The following PDE8B variants were observed in gnomAD, a reference collection of about 807,000 sequenced individuals.
The protein encoded by PDE8B is high affinity cAMP-specific and IBMX-insensitive 3',5'-cyclic phosphodiesterase 8B.
In PDE8B, 26 loss-of-function variants were observed where a neutral mutation model predicts 101.3. The ratio of observed to expected loss-of-function variants is 0.26; its 90% CI spans 0.19 to 0.36. PDE8B has a LOEUF of 0.36. Ranked by LOEUF, PDE8B falls within the 10% of genes least tolerant of loss-of-function variation. The pLI is 1.00. For missense variants in PDE8B, 810 were observed against 1,163.1 expected (o/e 0.70, Z 4.42); for synonymous variants, 424 against 429.3 (o/e 0.99, Z 0.15).
intron 1 of PDE8B, among the ~76,000 whole-genome samples, chr5:77,235,176 A>G (rs930387168): frequency 5.3e-5 from 8 of 151,878 alleles, no homozygotes; most frequent in African/African-American, 1.9e-4. Flanking sequence ...GCCCTACCCT[A>G]CCTTCCTTCT....
At chr5:77,147,182 G>GT in the PDE8B span, 58 of 325,322 alleles carry the variant, frequency 1.8e-4, no homozygotes, top group South Asian at 3.2e-4. Context: ...TTCTAGCACA[G>GT]TTTTTTTTCT....
At chr5:77,209,281 T>C (rs1339525144), upstream of PDE8B, among the ~76,000 whole-genome samples, 1 of 152,162 alleles carries the variant, frequency 6.6e-6, no homozygotes, top group Non-Finnish European at 1.5e-5. Flanking sequence ...GATATCTTGC[T>C]TCTCTATGAA....
the PDE8B span, among the ~76,000 whole-genome samples, chr5:77,120,666 A>G: frequency 6.6e-6 from 1 of 152,228 alleles, no homozygotes; most frequent in Non-Finnish European, 1.5e-5. Context: ...ACTTCTCTGT[A>G]TGCTTGAACA....
the PDE8B span, among the ~76,000 whole-genome samples, chr5:77,142,636 T>G: frequency 6.6e-6 from 1 of 152,118 alleles, no homozygotes; most frequent in East Asian, 1.9e-4. Context: ...GCATATAATC[T>G]GTGATTCAGA....
intron 10 of PDE8B, among the ~76,000 whole-genome samples, chr5:77,363,093 A>G (rs969336232): frequency 6.6e-6 from 1 of 152,150 alleles, no homozygotes; most frequent in South Asian, 2.1e-4. Flanking sequence ...TCGTGTTGAC[A>G]CTTTGTATCT....
At chr5:77,328,380 C>T (rs1310658062) in intron 3 of PDE8B, among the ~76,000 whole-genome samples, 1 of 150,882 alleles carries the variant, frequency 6.6e-6, no homozygotes, top group African/African-American at 2.5e-5. Context: ...CCTAGTACAA[C>T]AAACATTATA....
chr5:77,225,690 G>A (rs1009703635), intron 1 of PDE8B, among the ~76,000 whole-genome samples: 3 of 152,194 alleles, frequency 2.0e-5, no homozygotes, highest in African/African-American at 7.2e-5. Flanking sequence ...AAAATGTACC[G>A]TGAGTGTATA....
the PDE8B span, chr5:77,088,387 C>T: frequency 6.6e-6 from 1 of 151,790 alleles, no homozygotes; most frequent in African/African-American, 2.4e-5. Context: ...TTTTTGCAAG[C>T]GCAGAGGGTC....
the PDE8B span, among the ~76,000 whole-genome samples, chr5:77,099,175 T>A: frequency 6.6e-6 from 1 of 152,250 alleles, no homozygotes. Flanking sequence ...TAATTATATA[T>A]GTGAAGTCTC....
chr5:77,230,001 G>A (rs1379403106), intron 1 of PDE8B, among the ~76,000 whole-genome samples: 1 of 152,156 alleles, frequency 6.6e-6, no homozygotes, highest in Non-Finnish European at 1.5e-5. Context: ...GTTTAACTGA[G>A]GAACCACTAA....
intron 11 of PDE8B, 129 bp downstream of exon 11, chr5:77,400,419 T>G: frequency 1.4e-6 from 1 of 725,930 alleles, no homozygotes; most frequent in South Asian, 1.5e-5. Flanking sequence ...ATCCACGTGC[T>G]CATATCACAA....
intron 10 of PDE8B, among the ~76,000 whole-genome samples, chr5:77,388,971 C>G (rs189160762): frequency 6.6e-6 from 1 of 152,098 alleles, no homozygotes; most frequent in South Asian, 2.1e-4. Context: ...GTGCCGGCAG[C>G]GAGAATTTCA....
At chr5:77,273,972 G>A (rs771683957) in intron 1 of PDE8B, among the ~76,000 whole-genome samples, 6 of 151,728 alleles carry the variant, frequency 4.0e-5, no homozygotes, top group African/African-American at 7.3e-5. Context: ...ACAGACATGC[G>A]CCACTATGCC....
the PDE8B span, among the ~76,000 whole-genome samples, chr5:77,109,298 G>T: frequency 1.3e-5 from 2 of 152,152 alleles, no homozygotes; most frequent in East Asian, 3.8e-4. Context: ...AATATAAAGG[G>T]TTATTATTAC....
intron 1 of PDE8B, among the ~76,000 whole-genome samples, chr5:77,233,429 C>A (rs533369591): frequency 6.6e-6 from 1 of 152,196 alleles, no homozygotes; most frequent in South Asian, 2.1e-4. Context: ...GGAGAGAAAA[C>A]CTGCTCTTTT....
chr5:77,303,772 G>A (rs1297982384), intron 1 of PDE8B, among the ~76,000 whole-genome samples: 3 of 152,102 alleles, frequency 2.0e-5, no homozygotes, highest in Non-Finnish European at 4.4e-5. Context: ...TAAACTTCAA[G>A]TGGTATCCTA....
At chr5:77,357,496 C>G (rs1782323459) in intron 10 of PDE8B, among the ~76,000 whole-genome samples, 2 of 152,176 alleles carry the variant, frequency 1.3e-5, no homozygotes, top group South Asian at 4.1e-4. Context: ...CCTGGCACAG[C>G]CTGGCTTCAC....
the PDE8B span, chr5:77,105,667 G>A: frequency 6.6e-6 from 1 of 152,128 alleles, no homozygotes; most frequent in Non-Finnish European, 1.5e-5. Flanking sequence ...TAAATACCTG[G>A]AGTGGGATTG....
the PDE8B span, among the ~76,000 whole-genome samples, chr5:77,183,235 T>C: frequency 6.6e-6 from 1 of 152,102 alleles, no homozygotes; most frequent in African/African-American, 2.4e-5. Context: ...TTCTCCTGCC[T>C]TAGCCTCCCG....
Sources: gnomAD v4.1 joint callset for allele counts (sites outside exome capture counted in the v4.1 genomes callset) on GRCh38, gnomAD v4.1.1 for gene constraint, MANE v1.5 for transcripts, NCBI Gene and HGNC (gene_info 2026-07-23, HGNC 2026-07-21) for gene names.